Variants in ZNF540 observed in about 807,000 individuals in gnomAD.
ZNF540 encodes CTD-3064H18.6.
A neutral mutation model predicts 11.8 loss-of-function variants in ZNF540; 3 were observed. The ratio of observed to expected loss-of-function variants is 0.25; its 90% CI spans 0.12 to 0.65. ZNF540 has a LOEUF of 0.65. Among genes scored for constraint, ZNF540 ranks in the 30% least tolerant of loss-of-function variants. ZNF540 has a pLI of 0.83. For missense variants in ZNF540, 709 were observed against 793.1 expected (o/e 0.89, Z 1.27); for synonymous variants, 247 against 259.0 (o/e 0.95, Z 0.45).
At chr19:37,552,069 C>G (rs2042611874) in intron 1 of ZNF540, among the ~76,000 whole-genome samples, 1 of 152,112 alleles carries the variant, frequency 6.6e-6, no homozygotes, top group African/African-American at 2.4e-5. Context: ...ACATTTCCCT[C>G]AAAGTGCTGC....
chr19:37,610,094 A>C (rs1600564530), intron 4 of ZNF540, among the ~76,000 whole-genome samples: 1 of 152,152 alleles, frequency 6.6e-6, no homozygotes, highest in East Asian at 1.9e-4. Context: ...TTTTGTTCTG[A>C]TCTGTAAAGG....
At chr19:37,595,440 T>C (rs1360768111) in intron 1 of ZNF540, 1 of 152,240 alleles carries the variant, frequency 6.6e-6, no homozygotes, top group Non-Finnish European at 1.5e-5. Context: ...TTATAACCTG[T>C]AAGAAATTGA....
chr19:37,551,430 G>C (rs894102689), exon 1 of ZNF540: 1 of 152,288 alleles, frequency 6.6e-6, no homozygotes, highest in African/African-American at 2.4e-5. Context: ...GGCGGAGCTG[G>C]AGCCCTCCCT....
At chr19:37,564,804 C>T in intron 1 of ZNF540, 1 of 1,613,724 alleles carries the variant, frequency 6.2e-7, no homozygotes, top group East Asian at 2.2e-5. Context: ...AGGTGTGAGC[C>T]ACGAATAAAA....
chr19:37,564,095 G>C (rs188651130), intron 1 of ZNF540: 29 of 152,266 alleles, frequency 1.9e-4, no homozygotes, highest in African/African-American at 6.5e-4. Context: ...ATACTTTAAA[G>C]GTTTTGTCTA....
rs1387282495 is a variant in ZNF540, at chr19:37,612,062, A to G, written c.782A>G (p.His261Arg). 6.8e-6 allele frequency: 11 copies of G among 1,612,080 alleles called. No individual in the cohort carries two copies. The highest frequency in any genetic ancestry group is 8.5e-6 in the Non-Finnish European group (10 of 1,179,610). ...ACTCTTTACCCACAACTTAATCGACATCAGAAAATTCACACTGGTAAAAAA... is the reference window on the plus strand; with the variant it reads ...ACTCTTTACCCACAACTTAATCGACGTCAGAAAATTCACACTGGTAAAAAA... ...TFTLYPQLNRHQKIHTGKKPY... is the reference protein window; with the variant it reads ...TFTLYPQLNRRQKIHTGKKPY... Residue 261 changes from histidine (H) to arginine (R), a missense_variant, in exon 5 of 5, where the codon CAT (histidine) becomes CGT (arginine). By Grantham distance (29) the His-to-Arg change is conservative (BLOSUM62 0). Transcript: ENST00000316433.
rs796568829 is a variant in ZNF540 at position 37,584,945 on chromosome 19, C to T, written c.-72-13431C>T. On this transcript the variant is annotated intron_variant, in intron 1 of 4. Transcript: ENST00000592533. ...CGCCACTGCACTCCCGCCTGGGCCA[C>T]AGAGCGAGACTCCGTCTCAAAAAAA... is the stretch of plus-strand genomic sequence containing the variant. The T allele has an allele frequency of 3.7e-5, 5 of 133,430 alleles. No individual in the cohort carries two copies. The South Asian group carries it at 1.2e-3, about 31-fold the overall frequency. The allele number at this position is 133,430 out of a possible 1,614,324, so 8.3% of individuals were successfully genotyped here.
At chr19:37,577,187 C>T (rs760817921) in intron 1 of ZNF540, among the ~76,000 whole-genome samples, 7 of 152,030 alleles carry the variant, frequency 4.6e-5, no homozygotes, top group South Asian at 2.1e-4. Context: ...CCATGAAGTA[C>T]GCACACAACC....
chr19:37,579,232 C>A (rs62108260), intron 1 of ZNF540, among the ~76,000 whole-genome samples: 11,009 of 152,270 alleles, frequency 0.072, 565 homozygotes, highest in African/African-American at 0.13. Context: ...TGGGCTAGCC[C>A]GACTGCAGTC....
intron 1 of ZNF540, among the ~76,000 whole-genome samples, chr19:37,567,320 T>C (rs1159592036): frequency 6.6e-6 from 1 of 152,226 alleles, no homozygotes; most frequent in Admixed American, 6.5e-5. Context: ...GTCAACAATT[T>C]CTAAAATATA....
At chr19:37,585,441 T>C (rs2043637057) in intron 1 of ZNF540, 1 of 152,220 alleles carries the variant, frequency 6.6e-6, no homozygotes, top group Non-Finnish European at 1.5e-5. Flanking sequence ...ACCAGCCTGA[T>C]AAGAATAGGC....
At chr19:37,566,063 T>G (rs1483939356) in intron 1 of ZNF540, 1 of 1,614,020 alleles carries the variant, frequency 6.2e-7, no homozygotes, top group African/African-American at 1.3e-5. Context: ...AGAGGTTGAA[T>G]GACTTTCAGT....
chr19:37,585,322 T>C (rs1344084539), intron 1 of ZNF540: 1 of 152,200 alleles, frequency 6.6e-6, no homozygotes, highest in African/African-American at 2.4e-5. Flanking sequence ...ATATAATTAC[T>C]TTGCTTGACT....
In ZNF540 at chr19:37,612,166, A is replaced by G; in HGVS notation, c.886A>G (p.Lys296Glu). Residue 296 changes from lysine (K) to glutamate (E), a missense_variant, in exon 5 of 5, where the codon AAG becomes GAG. Physicochemically the swap from Lys to Glu is moderately conservative, Grantham distance 56. Coordinates refer to ENST00000316433, the MANE Select transcript of ZNF540 (RefSeq NM_001172225.3). ...LTQHKRIHTG[K>E]KSYECKECGK... ...TCAACATAAAAGAATTCATACTGGT[A>G]AGAAATCTTATGAATGTAAAGAATG... The G allele has an allele frequency of 6.2e-7, 1 of 1,611,620 alleles. No homozygotes were observed. The highest frequency in any genetic ancestry group is 8.5e-7 in the Non-Finnish European group (1 of 1,179,618).
chr19:37,589,488 A>T (rs1024821551), intron 1 of ZNF540, among the ~76,000 whole-genome samples: 1 of 100,998 alleles, frequency 9.9e-6, no homozygotes, highest in Non-Finnish European at 2.3e-5. Flanking sequence ...GACAATTCAT[A>T]AAAAAAAAGT....
At position 37,612,765 on chromosome 19, in the gene ZNF540, C is replaced by A. The variant is rs2147236428; in HGVS notation, c.1485C>A (p.Tyr495Ter). 6.2e-7 allele frequency: 1 copy of A among 1,614,034 alleles called. No individual in the cohort carries two copies. Among genetic ancestry groups the A allele is most frequent in the East Asian group, 2.2e-5 (1 of 44,866 alleles). ...AAATTCATACTGATGTGAAGCCCTA[C>A]AAATGTGTACGATGTGGGAAGACCT... ...HKKIHTDVKP[Y>*]KCVRCGKTFR... The change falls in exon 5 of 5, where the codon TAC becomes TAA. Residue 495 changes from tyrosine (Y) to a stop codon, truncating the protein, a stop_gained. Transcript: ENST00000316433. LOFTEE classifies it low-confidence loss of function (END_TRUNC).
chr19:37,564,543 T>C, intron 1 of ZNF540: 3 of 1,430,046 alleles, frequency 2.1e-6, no homozygotes, highest in Non-Finnish European at 1.8e-6. Context: ...CTACATTCAT[T>C]ATAGATATGA....
At chr19:37,584,597 T>C (rs1467075963) in intron 1 of ZNF540, among the ~76,000 whole-genome samples, 1 of 152,228 alleles carries the variant, frequency 6.6e-6, no homozygotes, top group East Asian at 1.9e-4. Flanking sequence ...AGTTATATTA[T>C]GTCACAGAAC....
Position 37,598,438 on chromosome 19 carries a change from G to A in ZNF540, c.-10G>A. ...GCGGAAGACTGAGCAGTTCTTGTGA[G>A]TGTAAAACCATGGCCCATGTAAGTC... is the stretch of plus-strand genomic sequence containing the variant. On this transcript the variant is annotated 5_prime_UTR_variant, in exon 2 of 5. The change creates a new upstream start codon in the 5' untranslated region. Transcript: ENST00000316433. The A allele has an allele frequency of 6.2e-7, 1 of 1,613,996 alleles. No individual in the cohort carries two copies. Among genetic ancestry groups the A allele is most frequent in the Non-Finnish European group, 8.5e-7 (1 of 1,179,968 alleles).
Sources: gnomAD v4.1 joint callset for allele counts (sites outside exome capture counted in the v4.1 genomes callset) on GRCh38, gnomAD v4.1.1 for gene constraint, MANE v1.5 for transcripts, NCBI Gene and HGNC (gene_info 2026-07-23, HGNC 2026-07-21) for gene names.